GIN1: variants seen among roughly 807,000 people sequenced by gnomAD.
GIN1 encodes the protein gypsy retrotransposon integrase-like protein 1.
In GIN1, 41 loss-of-function variants were observed where a neutral mutation model predicts 51.4. The ratio of observed to expected loss-of-function variants is 0.80; its 90% CI spans 0.62 to 1.04. The LOEUF (loss-of-function observed/expected upper bound fraction) is 1.04. Ranked by LOEUF, GIN1 falls within the 50% of genes least tolerant of loss-of-function variation. GIN1 has a pLI of 0.00. For synonymous variants in GIN1, 222 were observed against 206.5 expected (o/e 1.07, Z -0.64); for missense variants, 610 against 612.4 (o/e 1.00, Z 0.04).
At chr5:103,119,838 C>T (rs1788340307) in intron 1 of GIN1, among the ~76,000 whole-genome samples, 1 of 152,200 alleles carries the variant, frequency 6.6e-6, no homozygotes, top group African/African-American at 2.4e-5. Flanking sequence ...CCAGTAGGCA[C>T]CTCCCCAGGC....
rs1220199091 is a variant in GIN1 at position 103,097,749 on chromosome 5, T to A, written c.672A>T (p.Ile224=). The A allele has an allele frequency of 1.3e-6, 2 of 1,574,382 alleles. No homozygotes were observed. Among genetic ancestry groups the A allele is most frequent in the Middle Eastern group, 1.7e-4 (1 of 6,004 alleles). ...AGGTGTGAGAAATTACAATTTGCTTTATGCCAAACAATCTGTACAGTTCAA... is the reference window on the plus strand; with the variant it reads ...AGGTGTGAGAAATTACAATTTGCTTAATGCCAAACAATCTGTACAGTTCAA... ...INIELYRLFG[I]KQIVISHTSG... is the part of the protein sequence containing the mutation. The change falls in exon 5 of 8, where the codon ATA becomes ATT. Residue 224 remains isoleucine, a synonymous_variant. Transcript: ENST00000399004.
intron 2 of GIN1, among the ~76,000 whole-genome samples, chr5:103,108,143 G>C (rs1184851287): frequency 6.6e-6 from 1 of 151,996 alleles, no homozygotes; most frequent in African/African-American, 2.4e-5. Flanking sequence ...GGTTCAAGGG[G>C]ACATGATCAC....
intron 7 of GIN1, among the ~76,000 whole-genome samples, chr5:103,093,641 G>T (rs1290536389): frequency 6.6e-6 from 1 of 152,178 alleles, no homozygotes; most frequent in African/African-American, 2.4e-5. Flanking sequence ...CACAAATGGG[G>T]CTTTCAACTG....
At chr5:103,095,443 C>A (rs1481557768) in intron 7 of GIN1, among the ~76,000 whole-genome samples, 1 of 152,144 alleles carries the variant, frequency 6.6e-6, no homozygotes, top group African/African-American at 2.4e-5. Flanking sequence ...TCTGAGGATT[C>A]CCCACTCTGC....
chr5:103,112,800 T>C (rs1433866551), intron 1 of GIN1, among the ~76,000 whole-genome samples: 2 of 152,120 alleles, frequency 1.3e-5, no homozygotes, highest in African/African-American at 4.8e-5. Flanking sequence ...CCATATAACC[T>C]TGAATTTGCT....
At chr5:103,088,863 G>A (rs1355999662) in intron 7 of GIN1, among the ~76,000 whole-genome samples, 1 of 152,084 alleles carries the variant, frequency 6.6e-6, no homozygotes, top group Non-Finnish European at 1.5e-5. Flanking sequence ...ATTTCTGGGT[G>A]AATTAATAGG....
intron 7 of GIN1, 136 bp from the exon 8 acceptor site, chr5:103,088,308 C>A: frequency 3.8e-6 from 2 of 531,354 alleles, no homozygotes; most frequent in South Asian, 6.3e-5. Flanking sequence ...GGGAGTTATA[C>A]TGTCTACTAA....
chr5:103,095,269 T>C (rs1554194894), intron 7 of GIN1, among the ~76,000 whole-genome samples: 1 of 152,148 alleles, frequency 6.6e-6, no homozygotes, highest in Non-Finnish European at 1.5e-5. Flanking sequence ...GCAGACACAT[T>C]AGGACAAAAT....
intron 1 of GIN1, among the ~76,000 whole-genome samples, chr5:103,118,035 TTTA>T (rs1399665295): frequency 6.6e-6 from 1 of 151,976 alleles, no homozygotes; most frequent in Non-Finnish European, 1.5e-5. Flanking sequence ...ATGGAAAGAG[TTTA>T]TTAATTTTTT....
intron 7 of GIN1, among the ~76,000 whole-genome samples, chr5:103,088,557 C>T (rs541139137): frequency 6.6e-6 from 1 of 152,286 alleles, no homozygotes; most frequent in East Asian, 1.9e-4. Flanking sequence ...CTTTGGAAAG[C>T]CAAAGCCGGT....
chr5:103,090,916 C>T (rs1787220285), intron 7 of GIN1, among the ~76,000 whole-genome samples: 1 of 152,000 alleles, frequency 6.6e-6, no homozygotes, highest in Admixed American at 6.6e-5. Flanking sequence ...CACACACACA[C>T]ACACACACAC....
intron 1 of GIN1, among the ~76,000 whole-genome samples, chr5:103,119,650 ATGAC>A (rs1788310730): frequency 6.6e-6 from 1 of 152,186 alleles, no homozygotes; most frequent in African/African-American, 2.4e-5. Context: ...TTCTGATTAA[ATGAC>A]TGATCAAAGT....
At chr5:103,090,399 G>C (rs1583107448) in intron 7 of GIN1, among the ~76,000 whole-genome samples, 1 of 152,348 alleles carries the variant, frequency 6.6e-6, no homozygotes, top group East Asian at 1.9e-4. Flanking sequence ...TGTGTTGCTA[G>C]AGGTTTAACA....
intron 2 of GIN1, among the ~76,000 whole-genome samples, chr5:103,108,329 G>GT (rs1460111778): frequency 3.3e-5 from 5 of 151,996 alleles, no homozygotes; most frequent in Non-Finnish European, 7.4e-5. Flanking sequence ...TTAGAAAAAT[G>GT]TTTTGTTTTC....
intron 1 of GIN1, among the ~76,000 whole-genome samples, chr5:103,116,745 C>T (rs111677553): frequency 2.0e-5 from 3 of 152,012 alleles, no homozygotes; most frequent in African/African-American, 7.2e-5. Flanking sequence ...AACAAGAAAG[C>T]AAACAACCCA....
chr5:103,089,443 C>A (rs1329147879), intron 7 of GIN1, among the ~76,000 whole-genome samples: 1 of 151,826 alleles, frequency 6.6e-6, no homozygotes, highest in African/African-American at 2.4e-5. Flanking sequence ...ATTTTTCATT[C>A]ATTCATTCAT....
intron 4 of GIN1, among the ~76,000 whole-genome samples, chr5:103,101,836 T>A (rs1228452602): frequency 1.3e-5 from 2 of 152,220 alleles, no homozygotes; most frequent in African/African-American, 2.4e-5. Flanking sequence ...CATTTCTTAT[T>A]TTTGGGATTT....
intron 4 of GIN1, among the ~76,000 whole-genome samples, chr5:103,098,459 T>C (rs1787470761): frequency 6.6e-6 from 1 of 152,174 alleles, no homozygotes; most frequent in Admixed American, 6.5e-5. Flanking sequence ...TAACGTTAAC[T>C]TTGAGTTTAA....
intron 1 of GIN1, among the ~76,000 whole-genome samples, chr5:103,117,577 AAT>A (rs1241458962): frequency 1.2e-5 from 1 of 86,150 alleles, no homozygotes; most frequent in East Asian, 6.2e-4. Flanking sequence ...TGAAGAAAAA[AAT>A]ATACACACAC....
Sources: allele counts gnomAD v4.1 joint callset (sites outside exome capture counted in the v4.1 genomes callset), GRCh38; gene constraint gnomAD v4.1.1; transcripts MANE v1.5; gene names NCBI Gene and HGNC (gene_info 2026-07-23, HGNC 2026-07-21).